TUSC3: variants seen among roughly 807,000 people sequenced by gnomAD.
The protein encoded by TUSC3 is tumor suppressor candidate 3.
In TUSC3, 45 loss-of-function variants were observed where a neutral mutation model predicts 44.8. The observed-to-expected ratio is 1.00, with a 90% CI of 0.79 to 1.29. The LOEUF is 1.29. Among genes scored for constraint, TUSC3 ranks in the 50% most tolerant of loss-of-function variants. The pLI is 0.00. For synonymous variants in TUSC3, 212 were observed against 152.9 expected, an observed-to-expected ratio of 1.39 and a Z score of -2.85; for missense variants, 519 against 437.9, an observed-to-expected ratio of 1.19 and a Z score of -1.65.
chr8:15,683,307 A>G (rs747964560), intron 6 of TUSC3, among the ~76,000 whole-genome samples: 10 of 152,056 alleles, frequency 6.6e-5, no homozygotes, highest in African/African-American at 9.7e-5. Flanking sequence ...GTTTTACACA[A>G]TCTCTTATTT....
At chr8:15,726,491 G>A (rs1810501780) in intron 6 of TUSC3, among the ~76,000 whole-genome samples, 1 of 151,888 alleles carries the variant, frequency 6.6e-6, no homozygotes, top group Non-Finnish European at 1.5e-5. Flanking sequence ...TTTATTTTAT[G>A]TTGGTTCATA....
At chr8:15,587,324 T>A (rs1290601323) in intron 1 of TUSC3, among the ~76,000 whole-genome samples, 1 of 152,194 alleles carries the variant, frequency 6.6e-6, no homozygotes, top group African/African-American at 2.4e-5. Flanking sequence ...TCCAGAAATG[T>A]ACCTTTTGCA....
chr8:15,763,353 C>A (rs187142918), intron 10 of TUSC3, among the ~76,000 whole-genome samples: 2 of 151,568 alleles, frequency 1.3e-5, no homozygotes, highest in Admixed American at 6.6e-5. Context: ...ATAAAACTTA[C>A]CTACTTTGGA....
intron 1 of TUSC3, among the ~76,000 whole-genome samples, chr8:15,471,163 T>C (rs1278933707): frequency 2.6e-5 from 4 of 152,178 alleles, no homozygotes; most frequent in African/African-American, 9.7e-5. Flanking sequence ...CAACCTCTGC[T>C]CATTGATTCA....
intron 2 of TUSC3, among the ~76,000 whole-genome samples, chr8:15,508,095 G>A (rs1340487857): frequency 6.6e-6 from 1 of 152,004 alleles, no homozygotes; most frequent in African/African-American, 2.4e-5. Context: ...ACAAAAATTA[G>A]CCAGGTGTGG....
At chr8:15,798,608 C>T in the TUSC3 span, among the ~76,000 whole-genome samples, 1 of 151,012 alleles carries the variant, frequency 6.6e-6, no homozygotes, top group Non-Finnish European at 1.5e-5. Context: ...ACCAAAGGAA[C>T]TGCAAATTTG....
At chr8:15,759,160 C>T (rs1431619509) in intron 10 of TUSC3, among the ~76,000 whole-genome samples, 1 of 152,136 alleles carries the variant, frequency 6.6e-6, no homozygotes, top group African/African-American at 2.4e-5. Flanking sequence ...AAAATTCAAC[C>T]ACTGGCCTAT....
chr8:15,642,903 C>G (rs1022257465), intron 2 of TUSC3, among the ~76,000 whole-genome samples: 1 of 152,104 alleles, frequency 6.6e-6, no homozygotes, highest in South Asian at 2.1e-4. Context: ...CATTTATTTG[C>G]TAATTCTTTA....
intron 1 of TUSC3, among the ~76,000 whole-genome samples, chr8:15,614,694 G>C (rs1187122609): frequency 1.3e-5 from 2 of 152,004 alleles, no homozygotes; most frequent in African/African-American, 2.4e-5. Flanking sequence ...TTCAACAGTT[G>C]ATGAAAATTT....
chr8:15,444,862 T>A (rs1430090946), intron 1 of TUSC3, among the ~76,000 whole-genome samples: 1 of 152,176 alleles, frequency 6.6e-6, no homozygotes, highest in Non-Finnish European at 1.5e-5. Context: ...CATTTGTTGG[T>A]TTTCTTCATC....
At chr8:15,458,583 G>A (rs1042302204) in intron 1 of TUSC3, among the ~76,000 whole-genome samples, 1 of 152,076 alleles carries the variant, frequency 6.6e-6, no homozygotes, top group African/African-American at 2.4e-5. Flanking sequence ...ATAAAAGCAG[G>A]CTATGTATGG....
At chr8:15,573,899 G>A (rs1471783930) in intron 1 of TUSC3, among the ~76,000 whole-genome samples, 3 of 152,052 alleles carry the variant, frequency 2.0e-5, no homozygotes, top group Non-Finnish European at 4.4e-5. Context: ...AATATGGGGG[G>A]TGATAGGAGG....
chr8:15,431,524 T>C (rs1274047467), intron 1 of TUSC3, among the ~76,000 whole-genome samples: 3 of 151,758 alleles, frequency 2.0e-5, no homozygotes, highest in African/African-American at 7.3e-5. Context: ...ATATTGGTTG[T>C]GTATCCTGCA....
At chr8:15,451,469 G>A (rs1012316942) in intron 1 of TUSC3, among the ~76,000 whole-genome samples, 2 of 152,044 alleles carry the variant, frequency 1.3e-5, no homozygotes, top group Non-Finnish European at 2.9e-5. Flanking sequence ...ACATAATGAA[G>A]CCTCCATAAA....
At chr8:15,433,830 C>G (rs1469455922) in intron 1 of TUSC3, among the ~76,000 whole-genome samples, 1 of 152,046 alleles carries the variant, frequency 6.6e-6, no homozygotes, top group Admixed American at 6.6e-5. Context: ...AACACATACT[C>G]TGTATTTGGA....
chr8:15,682,608 T>A (rs1808471040), intron 6 of TUSC3, among the ~76,000 whole-genome samples: 1 of 152,166 alleles, frequency 6.6e-6, no homozygotes, highest in African/African-American at 2.4e-5. Context: ...TTTTCCCCTG[T>A]GTGTCTATTA....
intron 2 of TUSC3, among the ~76,000 whole-genome samples, chr8:15,631,706 G>GTTT (rs1554464064): frequency 1.5e-5 from 2 of 131,114 alleles, no homozygotes; most frequent in Non-Finnish European, 3.4e-5. Context: ...GTGTGTGTGT[G>GTTT]TGTTTTGTTT....
chr8:15,842,914 G>C, the TUSC3 span, among the ~76,000 whole-genome samples: 4 of 152,172 alleles, frequency 2.6e-5, no homozygotes, highest in African/African-American at 9.7e-5. Flanking sequence ...AGAAAGTCAT[G>C]ACCATGCAGA....
chr8:15,436,715 A>T lies in TUSC3; in HGVS notation n.91+19410A>T, dbSNP rs184861872. Among the ~76,000 whole-genome samples, 678 of 152,308 alleles carry T rather than the reference A, an allele frequency of 4.5e-3. 7 individuals carry two copies. Among genetic ancestry groups the T allele is most frequent in the African/African-American group, 0.016 (648 of 41,566 alleles). On this transcript the variant is annotated intron_variant and non_coding_transcript_variant, in intron 1 of 5. Coordinates refer to the TUSC3 transcript ENST00000503191. ...CTTTCACAAAAAAAATACACATTTC[A>T]TAAGAAAATGACCAATTTCTATAGG... is the stretch of plus-strand genomic sequence containing the variant.
Sources: gnomAD v4.1 joint callset for allele counts (sites outside exome capture counted in the v4.1 genomes callset) on GRCh38, gnomAD v4.1.1 for gene constraint, MANE v1.5 for transcripts, NCBI Gene and HGNC (gene_info 2026-07-23, HGNC 2026-07-21) for gene names.